PHF24: variants seen among roughly 807,000 people sequenced by gnomAD.
The protein encoded by PHF24 is Galpha inhibitory interacting protein.
In PHF24, 25 loss-of-function variants were observed where a neutral mutation model predicts 42.6. The ratio of observed to expected loss-of-function variants is 0.59; its 90% CI spans 0.43 to 0.82. The LOEUF (loss-of-function observed/expected upper bound fraction) is 0.82, where lower values mean the gene tolerates loss of function less well. Among genes scored for constraint, PHF24 ranks in the 40% least tolerant of loss-of-function variants. PHF24 has a pLI of 0.00. For missense variants in PHF24, 470 were observed against 538.1 expected, an observed-to-expected ratio of 0.87 and a Z score of 1.25; for synonymous variants, 185 against 204.8, an observed-to-expected ratio of 0.90 and a Z score of 0.83.
chr9:34,930,611 T>TA, the PHF24 span, among the ~76,000 whole-genome samples: 5 of 152,228 alleles, frequency 3.3e-5, no homozygotes, highest in Admixed American at 6.5e-5. Context: ...TGAAGATTTC[T>TA]AGCAATGGTA....
the PHF24 span, among the ~76,000 whole-genome samples, chr9:34,701,430 T>G: frequency 6.6e-6 from 1 of 152,044 alleles, no homozygotes; most frequent in Admixed American, 6.5e-5. This position sits in a 1 kb window ranked among gnomAD's most constrained non-coding sequence, Gnocchi z 5.8. Context: ...TGCCCATGCA[T>G]CTCCCTTCCT....
the PHF24 span, among the ~76,000 whole-genome samples, chr9:34,761,853 T>A: frequency 6.6e-6 from 1 of 152,050 alleles, no homozygotes; most frequent in Non-Finnish European, 1.5e-5. Context: ...CCACTCCCCC[T>A]ACCCCACAAC....
At chr9:34,955,548 A>T (rs1196672069), upstream of PHF24, among the ~76,000 whole-genome samples, 1 of 152,190 alleles carries the variant, frequency 6.6e-6, no homozygotes. Context: ...GTGGTGGCAC[A>T]TGCCTGTAAT....
the PHF24 span, among the ~76,000 whole-genome samples, chr9:34,795,926 G>A: frequency 1.3e-5 from 2 of 151,778 alleles, no homozygotes; most frequent in Non-Finnish European, 2.9e-5. Flanking sequence ...CACTTGAGCC[G>A]AGGAGGTTGA....
At chr9:34,697,054 T>C in the PHF24 span, among the ~76,000 whole-genome samples, 1 of 152,156 alleles carries the variant, frequency 6.6e-6, no homozygotes, top group Non-Finnish European at 1.5e-5. Context: ...TTGATATAGG[T>C]GTTCTCATGT....
the PHF24 span, among the ~76,000 whole-genome samples, chr9:34,896,120 A>G: frequency 3.9e-5 from 6 of 152,174 alleles, no homozygotes; most frequent in Non-Finnish European, 7.3e-5. Flanking sequence ...CCGAGTCTCT[A>G]TGCACACTAC....
chr9:34,756,164 AT>A, the PHF24 span, among the ~76,000 whole-genome samples: 3 of 152,078 alleles, frequency 2.0e-5, no homozygotes, highest in African/African-American at 7.2e-5. Context: ...CAGTGGCATG[AT>A]CTCAGCTCAC....
At chr9:34,859,606 T>C in the PHF24 span, among the ~76,000 whole-genome samples, 16 of 148,528 alleles carry the variant, frequency 1.1e-4, no homozygotes, top group African/African-American at 3.4e-4. Flanking sequence ...GCTTTGAGCT[T>C]CCTAGTCTAC....
the PHF24 span, chr9:34,918,281 C>T: frequency 2.9e-6 from 4 of 1,383,322 alleles, no homozygotes; most frequent in South Asian, 1.2e-5. Context: ...ATGAGCCCTT[C>T]CAGTACAAAA....
the PHF24 span, among the ~76,000 whole-genome samples, chr9:34,762,342 A>G: frequency 2.0e-5 from 3 of 148,220 alleles, no homozygotes; most frequent in African/African-American, 7.4e-5. Context: ...ATTTCTCCAC[A>G]TCCTCTCCAG....
chr9:34,842,427 T>C, the PHF24 span, among the ~76,000 whole-genome samples: 6 of 152,172 alleles, frequency 3.9e-5, no homozygotes, highest in African/African-American at 1.4e-4. Flanking sequence ...ATTTCATAGA[T>C]TGAAACCTAA....
chr9:34,928,547 GGCCA>G, the PHF24 span, among the ~76,000 whole-genome samples: 1 of 152,070 alleles, frequency 6.6e-6, no homozygotes, highest in African/African-American at 2.4e-5. Context: ...TTTCCTATCA[GGCCA>G]GTCTTTTTTT....
intron 3 of PHF24, among the ~76,000 whole-genome samples, chr9:34,972,846 G>A (rs957738430): frequency 6.6e-5 from 10 of 151,502 alleles, no homozygotes; most frequent in South Asian, 2.1e-4. Flanking sequence ...CCCAGGAGGC[G>A]GAGGTTGCAG....
chr9:34,897,234 T>TG, the PHF24 span, among the ~76,000 whole-genome samples: 1 of 152,198 alleles, frequency 6.6e-6, no homozygotes, highest in East Asian at 1.9e-4. Context: ...ACAGGAATAG[T>TG]GAGCACTCAA....
At chr9:34,864,525 A>C in the PHF24 span, among the ~76,000 whole-genome samples, 1 of 152,150 alleles carries the variant, frequency 6.6e-6, no homozygotes, top group South Asian at 2.1e-4. Context: ...AAAAACTTTT[A>C]CCCTAGAATA....
the PHF24 span, among the ~76,000 whole-genome samples, chr9:34,844,302 A>G: frequency 1.3e-5 from 2 of 151,714 alleles, no homozygotes; most frequent in African/African-American, 4.8e-5. Context: ...TTTAACCTCT[A>G]ATCTTTATTA....
At chr9:34,838,073 T>G in the PHF24 span, among the ~76,000 whole-genome samples, 243 of 152,336 alleles carry the variant, frequency 1.6e-3, no homozygotes, top group African/African-American at 4.9e-3. Flanking sequence ...TTGTGAGGTC[T>G]TTTGAGATCC....
At chr9:34,798,703 C>A in the PHF24 span, among the ~76,000 whole-genome samples, 10 of 152,236 alleles carry the variant, frequency 6.6e-5, no homozygotes, top group South Asian at 2.1e-3. Context: ...TTTGGTAGAA[C>A]AATTCATTTT....
At chr9:34,731,834 T>C in the PHF24 span, among the ~76,000 whole-genome samples, 2 of 152,186 alleles carry the variant, frequency 1.3e-5, no homozygotes, top group South Asian at 2.1e-4. Flanking sequence ...CTGGATCATA[T>C]AGTAGTTGTA....
Sources: allele counts gnomAD v4.1 joint callset (sites outside exome capture counted in the v4.1 genomes callset), GRCh38; gene constraint gnomAD v4.1.1; non-coding constraint Gnocchi (gnomAD v3.1); transcripts MANE v1.5; gene names NCBI Gene and HGNC (gene_info 2026-07-23, HGNC 2026-07-21).